The following TPM4 variants were observed in gnomAD, a reference collection of about 807,000 sequenced individuals.
TPM4 encodes tropomyosin 4, also known as tropomyosin alpha-4 chain.
A neutral mutation model predicts 35.8 loss-of-function variants in TPM4; 17 were observed. The observed-to-expected ratio is 0.47, with a 90% confidence interval of 0.32 to 0.71. The LOEUF (loss-of-function observed/expected upper bound fraction) is 0.71. TPM4 is among the 30% of genes least tolerant of loss of function. The pLI is 0.03. For synonymous variants in TPM4, 120 were observed against 122.9 expected (o/e 0.98, Z 0.15); for missense variants, 240 against 320.9 (o/e 0.75, Z 1.93).
At chr19:16,092,553 G>C (rs1013832783) in intron 5 of TPM4, among the ~76,000 whole-genome samples, 1 of 132,838 alleles carries the variant, frequency 7.5e-6, no homozygotes, top group African/African-American at 2.8e-5. Flanking sequence ...TTTTCTTTTT[G>C]AGATGGAGTC....
Position 16,102,291 on chromosome 19 carries a change from A to G in TPM4, c.*945A>G, listed in dbSNP as rs943323458. On this transcript the variant is annotated 3_prime_UTR_variant, in exon 8 of 8. Coordinates refer to ENST00000643579, the MANE Select transcript of TPM4 (RefSeq NM_003290.3). ...GAAGTGGAGACTGCAGTGAGCCGAT[A>G]TCGCACCACAGCGCTCCAGCCTGGT... 2.6e-5 allele frequency: 5 copies of G among 193,938 alleles called. No homozygotes were observed. The highest frequency in any genetic ancestry group is 1.8e-4 in the Admixed American group (3 of 16,404). 12.0% of individuals were successfully genotyped at this position (193,938 alleles called of 1,614,324 possible). A position where few individuals can be genotyped will look rare whatever the true frequency, so the allele number is the denominator to read the frequency against.
chr19:16,072,010 C>T (rs776556217), upstream of TPM4, among the ~76,000 whole-genome samples: 2 of 152,208 alleles, frequency 1.3e-5, no homozygotes, highest in African/African-American at 2.4e-5. Flanking sequence ...TTAGTAAAGA[C>T]GGGGTTTCAC....
chr19:16,083,720 T>C (rs939513599), intron 2 of TPM4, among the ~76,000 whole-genome samples: 18 of 150,538 alleles, frequency 1.2e-4, no homozygotes, highest in Non-Finnish European at 2.4e-4. Flanking sequence ...CCAGCCACCA[T>C]GCTTTTGCAG....
upstream of TPM4, chr19:16,076,255 A>G: frequency 1.3e-6 from 2 of 1,533,206 alleles, no homozygotes; most frequent in Non-Finnish European, 1.8e-6. Context: ...CCGCAGGGGG[A>G]GGAGGAAGAG....
chr19:16,090,085 C>T (rs761466195), intron 5 of TPM4, among the ~76,000 whole-genome samples: 6 of 151,934 alleles, frequency 3.9e-5, no homozygotes, highest in Non-Finnish European at 7.4e-5. Flanking sequence ...CCCGCCTCGC[C>T]CTCCCAAAGT....
intron 1 of TPM4, among the ~76,000 whole-genome samples, chr19:16,078,860 T>TTGTAGAA (rs1283971525): frequency 6.7e-6 from 1 of 148,656 alleles, no homozygotes. Context: ...CCTTTCACTC[T>TTGTAGAA]TGTAGAATAA....
chr19:16,088,171 G>A (rs2090582764), intron 4 of TPM4, 74 bp downstream of exon 4: 1 of 1,552,188 alleles, frequency 6.4e-7, no homozygotes, highest in South Asian at 1.2e-5. Flanking sequence ...GGCTGTGTTG[G>A]GAATTGGCTC....
At chr19:16,092,153 G>C (rs1291895344) in intron 5 of TPM4, among the ~76,000 whole-genome samples, 5 of 150,940 alleles carry the variant, frequency 3.3e-5, no homozygotes. Flanking sequence ...ACTCCAGCCT[G>C]GGTGACAGAG....
At chr19:16,096,252 G>A (rs929268873) in intron 7 of TPM4, among the ~76,000 whole-genome samples, 2 of 152,100 alleles carry the variant, frequency 1.3e-5, no homozygotes, top group Admixed American at 6.6e-5. Flanking sequence ...TTGTAGAAGC[G>A]GGAGGGTTTC....
chr19:16,080,782 C>T, intron 1 of TPM4: 1 of 340,038 alleles, frequency 2.9e-6, no homozygotes, highest in East Asian at 4.2e-5. Flanking sequence ...GCACTCCAGC[C>T]TTGGTGACGG....
At chr19:16,098,861 T>TTTA (rs2090732244) in intron 7 of TPM4, among the ~76,000 whole-genome samples, 1 of 152,208 alleles carries the variant, frequency 6.6e-6, no homozygotes, top group African/African-American at 2.4e-5. Context: ...ATCCTAGCTC[T>TTTA]ACTACTTTAA....
intron 2 of TPM4, among the ~76,000 whole-genome samples, chr19:16,069,039 G>A (rs2090325953): frequency 6.6e-6 from 1 of 152,152 alleles, no homozygotes; most frequent in Admixed American, 6.6e-5. Flanking sequence ...GACTGTGTGT[G>A]TGCTTGAGCA....
chr19:16,073,975 A>T (rs1005043544), upstream of TPM4, among the ~76,000 whole-genome samples: 13 of 146,212 alleles, frequency 8.9e-5, no homozygotes, highest in African/African-American at 1.5e-4. Flanking sequence ...AAAAAAAAAA[A>T]TAATGCACAC....
rs974705632 is a variant in TPM4 at position 16,102,556 on chromosome 19, A to G, written c.*1210A>G. 1 of 226,566 alleles carries G rather than the reference A, an allele frequency of 4.4e-6. No homozygotes were observed. Among genetic ancestry groups the G allele is most frequent in the African/African-American group, 2.2e-5 (1 of 44,938 alleles). The allele number at this position is 226,566 out of a possible 1,614,324, so 14.0% of individuals were successfully genotyped here. A position where few individuals can be genotyped will look rare whatever the true frequency, so the allele number is the denominator to read the frequency against. ...AAAACTGGCCCAACTTCATTTCCAT[A>G]CTTCAGGGAACAGCAAATTGAGGAT... On this transcript the variant is annotated 3_prime_UTR_variant, in exon 8 of 8. Coordinates refer to ENST00000643579, the MANE Select transcript of TPM4 (RefSeq NM_003290.3).
At chr19:16,083,526 G>A (rs1436255395) in intron 2 of TPM4, among the ~76,000 whole-genome samples, 1 of 152,086 alleles carries the variant, frequency 6.6e-6, no homozygotes, top group East Asian at 1.9e-4. Flanking sequence ...CTTCTCCTCG[G>A]TAGCCAGATC....
upstream of TPM4, chr19:16,075,896 C>T (rs1454409619): frequency 4.6e-6 from 5 of 1,096,120 alleles, no homozygotes; most frequent in Non-Finnish European, 6.4e-6. Context: ...TGGCGTGGTG[C>T]ATGCTATCGC....
intron 7 of TPM4, among the ~76,000 whole-genome samples, chr19:16,096,807 T>TC (rs2090703324): frequency 6.6e-6 from 1 of 152,126 alleles, no homozygotes. Flanking sequence ...AACATCAATC[T>TC]CCATTCATAT....
chr19:16,071,181 A>G (rs1327648263), intron 2 of TPM4, among the ~76,000 whole-genome samples: 1 of 152,142 alleles, frequency 6.6e-6, no homozygotes, highest in Non-Finnish European at 1.5e-5. Context: ...TACTTTGTGT[A>G]TATCAGTCTT....
chr19:16,093,172 T>TG (rs2090649247), intron 5 of TPM4: 1 of 174,548 alleles, frequency 5.7e-6, no homozygotes, highest in South Asian at 1.0e-4. Context: ...TCTTTCTTTC[T>TG]GTTTTTTTTT....
Sources: allele counts gnomAD v4.1 joint callset (sites outside exome capture counted in the v4.1 genomes callset), GRCh38; gene constraint gnomAD v4.1.1; transcripts MANE v1.5; gene names NCBI Gene and HGNC (gene_info 2026-07-23, HGNC 2026-07-21).